Variants in SPRR2G observed in about 807,000 individuals in gnomAD.
SPRR2G encodes small proline-rich protein 2G.
SPRR2G carries 1 observed loss-of-function variant against 0.7 expected under a neutral mutation model. The observed-to-expected ratio is 1.49, with a 90% confidence interval of 0.53 to 7.06. The LOEUF (loss-of-function observed/expected upper bound fraction) is 7.06. SPRR2G is among the 30% of genes most tolerant of loss of function. SPRR2G has a pLI of 0.14. For synonymous variants in SPRR2G, 38 were observed against 33.9 expected (o/e 1.12, Z -0.42); for missense variants, 96 against 88.5 (o/e 1.09, Z -0.34).
At chr1:153,151,313 G>T (rs535697910), upstream of SPRR2G, among the ~76,000 whole-genome samples, 29 of 152,250 alleles carry the variant, frequency 1.9e-4, no homozygotes, top group African/African-American at 6.5e-4. Flanking sequence ...ACCCTCAACT[G>T]CAGTTTTTCT....
the SPRR2G span, among the ~76,000 whole-genome samples, chr1:153,169,497 CA>C: frequency 6.6e-6 from 1 of 150,888 alleles, no homozygotes; most frequent in African/African-American, 2.4e-5. Context: ...ACCCGGGAGG[CA>C]GAGGTTGCAG....
At chr1:153,195,112 C>G in the SPRR2G span, among the ~76,000 whole-genome samples, 11 of 152,290 alleles carry the variant, frequency 7.2e-5, no homozygotes, top group African/African-American at 2.4e-4. Context: ...CTGTACCCCA[C>G]AGCTGGCAGA....
the SPRR2G span, among the ~76,000 whole-genome samples, chr1:153,177,372 G>A: frequency 2.0e-5 from 3 of 152,194 alleles, no homozygotes; most frequent in Admixed American, 2.0e-4. Flanking sequence ...TAGGGGCAGA[G>A]CTTCTTGGTC....
chr1:153,169,653 T>A, the SPRR2G span, among the ~76,000 whole-genome samples: 1,093 of 152,120 alleles, frequency 7.2e-3, 12 homozygotes, highest in African/African-American at 0.023. Context: ...CCACTTCACC[T>A]TTTAATGTCA....
chr1:153,162,449 T>C, the SPRR2G span, among the ~76,000 whole-genome samples: 1 of 152,344 alleles, frequency 6.6e-6, no homozygotes, highest in Non-Finnish European at 1.5e-5. Context: ...CCAAACACTC[T>C]GCCCTTCTGC....
At chr1:153,171,567 G>A in the SPRR2G span, among the ~76,000 whole-genome samples, 1 of 152,088 alleles carries the variant, frequency 6.6e-6, no homozygotes, top group Admixed American at 6.6e-5. Flanking sequence ...TCACCACTAC[G>A]GACATTTCTT....
At chr1:153,184,818 T>G in the SPRR2G span, among the ~76,000 whole-genome samples, 2 of 152,214 alleles carry the variant, frequency 1.3e-5, no homozygotes, top group East Asian at 1.9e-4. Context: ...TTTTGCACAT[T>G]CAGTATGATA....
chr1:153,183,003 A>C, the SPRR2G span, among the ~76,000 whole-genome samples: 1 of 151,552 alleles, frequency 6.6e-6, no homozygotes, highest in Non-Finnish European at 1.5e-5. Context: ...TCCCACCAAC[A>C]GTGTAAAAGT....
At chr1:153,173,449 GA>G in the SPRR2G span, among the ~76,000 whole-genome samples, 3,178 of 150,958 alleles carry the variant, frequency 0.021, 239 homozygotes, top group Admixed American at 0.15. Context: ...AAGTCAAACA[GA>G]AAAAAAAATC....
At chr1:153,162,042 C>G in the SPRR2G span, among the ~76,000 whole-genome samples, 663 of 152,114 alleles carry the variant, frequency 4.4e-3, 6 homozygotes, top group African/African-American at 0.015. Context: ...GGTACATGTG[C>G]AGGTTTGTTA....
At chr1:153,154,146 C>CTT (rs879621046), upstream of SPRR2G, among the ~76,000 whole-genome samples, 6 of 142,814 alleles carry the variant, frequency 4.2e-5, no homozygotes, top group African/African-American at 7.6e-5. Flanking sequence ...ACTGAACCAT[C>CTT]TTTTTTTTTT....
the SPRR2G span, among the ~76,000 whole-genome samples, chr1:153,200,997 C>T: frequency 5.3e-5 from 8 of 152,304 alleles, 1 homozygote; most frequent in Admixed American, 4.6e-4. Context: ...TGAGCCACCG[C>T]GCCTAGCAAA....
At chr1:153,199,682 C>A in the SPRR2G span, among the ~76,000 whole-genome samples, 7 of 152,118 alleles carry the variant, frequency 4.6e-5, no homozygotes, top group African/African-American at 1.7e-4. Flanking sequence ...GGAAATCCAA[C>A]ATTCAAGGAA....
At chr1:153,198,505 G>A in the SPRR2G span, among the ~76,000 whole-genome samples, 1 of 152,182 alleles carries the variant, frequency 6.6e-6, no homozygotes, top group African/African-American at 2.4e-5. Context: ...AAATGTGCCT[G>A]CAGCTCCCAA....
the SPRR2G span, chr1:153,174,605 G>C: frequency 1.3e-5 from 2 of 152,400 alleles, no homozygotes; most frequent in Admixed American, 6.5e-5. Flanking sequence ...CTGACTGGTA[G>C]AGCCTCCGTC....
chr1:153,180,145 T>C, the SPRR2G span, among the ~76,000 whole-genome samples: 3 of 152,146 alleles, frequency 2.0e-5, no homozygotes, highest in Non-Finnish European at 4.4e-5. Context: ...AGTACAGGTA[T>C]ACAACTTAAT....
At chr1:153,197,556 T>C in the SPRR2G span, among the ~76,000 whole-genome samples, 2 of 152,086 alleles carry the variant, frequency 1.3e-5, no homozygotes, top group Admixed American at 6.5e-5. Flanking sequence ...CTATTATATG[T>C]CAGGCCCTGG....
chr1:153,152,813 A>AC (rs1656500366), upstream of SPRR2G, among the ~76,000 whole-genome samples: 1 of 152,158 alleles, frequency 6.6e-6, no homozygotes, highest in Non-Finnish European at 1.5e-5. Flanking sequence ...ACAATTTTAG[A>AC]CCTACTTTTC....
At chr1:153,195,391 T>A in the SPRR2G span, among the ~76,000 whole-genome samples, 1 of 152,132 alleles carries the variant, frequency 6.6e-6, no homozygotes, top group Admixed American at 6.6e-5. Context: ...CATGTTTCGG[T>A]CTTCTTTGGT....
Sources: allele counts gnomAD v4.1 joint callset (sites outside exome capture counted in the v4.1 genomes callset), GRCh38; gene constraint gnomAD v4.1.1; transcripts MANE v1.5; gene names NCBI Gene and HGNC (gene_info 2026-07-23, HGNC 2026-07-21).